Variants in CNTN4 observed in about 807,000 individuals in gnomAD.
CNTN4 encodes contactin 4.
In CNTN4, 77 loss-of-function variants were observed where a neutral mutation model predicts 122.5. That is an observed-to-expected ratio of 0.63 (90% confidence interval 0.52 to 0.76). The LOEUF (loss-of-function observed/expected upper bound fraction) is 0.76, where lower values mean the gene tolerates loss of function less well. Ranked by LOEUF, CNTN4 falls within the 30% of genes least tolerant of loss-of-function variation. The probability of loss-of-function intolerance (pLI) is 0.00; values close to 1 mark genes in which losing one functional copy is unlikely to be tolerated. For synonymous variants in CNTN4, 512 were observed against 447.0 expected (o/e 1.15, Z -1.83); for missense variants, 1,256 against 1,259.1 (o/e 1.00, Z 0.04).
chr3:2,591,930 G>C (rs2149668789), intron 4 of CNTN4, among the ~76,000 whole-genome samples: 1 of 152,218 alleles, frequency 6.6e-6, no homozygotes, highest in South Asian at 2.1e-4. Flanking sequence ...CCAGGCTGGA[G>C]TAAGTAGTGC....
At chr3:2,120,378 T>TATATATATATATATATAA (rs2033658499) in intron 2 of CNTN4, among the ~76,000 whole-genome samples, 29 of 29,840 alleles carry the variant, frequency 9.7e-4, no homozygotes, top group Non-Finnish European at 1.9e-3. Flanking sequence ...TATATAAATA[T>TATATATATATATATATAA]ATATATATAT....
At chr3:2,774,219 C>A (rs1037718035) in intron 6 of CNTN4, among the ~76,000 whole-genome samples, 1 of 152,024 alleles carries the variant, frequency 6.6e-6, no homozygotes, top group Admixed American at 6.6e-5. Context: ...CAAGATTGCA[C>A]CACTGCACCC....
intron 2 of CNTN4, among the ~76,000 whole-genome samples, chr3:2,258,549 T>C (rs1575191770): frequency 6.6e-6 from 1 of 152,174 alleles, no homozygotes; most frequent in Non-Finnish European, 1.5e-5. Flanking sequence ...GGATAATGTT[T>C]TCCTACCTTT....
intron 2 of CNTN4, among the ~76,000 whole-genome samples, chr3:2,183,411 C>G (rs1405137008): frequency 1.3e-5 from 2 of 152,114 alleles, no homozygotes; most frequent in Non-Finnish European, 2.9e-5. Flanking sequence ...ATTCTGCTAA[C>G]TTTGTTTTTC....
intron 4 of CNTN4, among the ~76,000 whole-genome samples, chr3:2,645,660 C>G (rs1423326223): frequency 6.6e-6 from 1 of 152,164 alleles, no homozygotes; most frequent in Non-Finnish European, 1.5e-5. Flanking sequence ...TGGTCCCCAG[C>G]ATTCTTTACA....
intron 2 of CNTN4, among the ~76,000 whole-genome samples, chr3:2,328,664 GA>G (rs11418151): frequency 4.8e-4 from 70 of 147,334 alleles, no homozygotes; most frequent in South Asian, 4.3e-4. Context: ...ATAATGTTTG[GA>G]AAAAAAAAAC....
chr3:2,256,590 A>C (rs2040602136), intron 2 of CNTN4, among the ~76,000 whole-genome samples: 1 of 152,162 alleles, frequency 6.6e-6, no homozygotes, highest in Non-Finnish European at 1.5e-5. Context: ...AATCTTATCC[A>C]CCATGATCAA....
chr3:2,113,608 G>GTA (rs1475391940), intron 2 of CNTN4, among the ~76,000 whole-genome samples: 3 of 152,194 alleles, frequency 2.0e-5, no homozygotes, highest in African/African-American at 4.8e-5. Flanking sequence ...CTGCTTAATT[G>GTA]TATAGTAAGG....
intron 18 of CNTN4, among the ~76,000 whole-genome samples, 147 bp from the exon 19 acceptor site, chr3:3,038,776 GCCGTGGGCCC>G (rs141371260): frequency 0.077 from 11,747 of 152,110 alleles, 479 homozygotes; most frequent in South Asian, 0.2. Context: ...TCGAGCGGTC[GCCGTGGGCCC>G]CTTGACAATG....
chr3:2,863,483 C>T lies in CNTN4; in HGVS notation c.455-3269C>T, dbSNP rs375302761. 1.8e-4 allele frequency among the ~76,000 whole-genome samples: 23 copies of T among 125,542 alleles called. No individual in the cohort carries two copies. The East Asian group carries it at 3.7e-3, about 20-fold the overall frequency. The allele number at this position is 125,542 out of a possible 152,430, so 82.4% of individuals were successfully genotyped here. A position where few individuals can be genotyped will look rare whatever the true frequency, so the allele number is the denominator to read the frequency against. ...TTTTTTTCAGCATAAGAAATGGTTA[C>T]GCTGTTATATTGTTATTACAATTGG... On this transcript the variant is annotated intron_variant, in intron 7 of 24. Transcript: ENST00000418658.
chr3:2,897,988 T>C (rs1190168772), intron 10 of CNTN4, among the ~76,000 whole-genome samples: 1 of 152,174 alleles, frequency 6.6e-6, no homozygotes, highest in African/African-American at 2.4e-5. Context: ...GGGATTTTTG[T>C]TATCTAAGGA....
chr3:2,804,128 A>G (rs1252262020), intron 6 of CNTN4, among the ~76,000 whole-genome samples: 1 of 151,962 alleles, frequency 6.6e-6, no homozygotes, highest in African/African-American at 2.4e-5. Flanking sequence ...GAAAAAACAC[A>G]TGACAAACAA....
chr3:3,047,876 G>A (rs1024974805), intron 23 of CNTN4, among the ~76,000 whole-genome samples: 11 of 151,978 alleles, frequency 7.2e-5, no homozygotes, highest in African/African-American at 2.7e-4. Flanking sequence ...TTGATAGACT[G>A]CTAGCAAGAC....
At chr3:2,292,665 G>A (rs559946249) in intron 2 of CNTN4, among the ~76,000 whole-genome samples, 1 of 152,220 alleles carries the variant, frequency 6.6e-6, no homozygotes, top group African/African-American at 2.4e-5. Context: ...ATAAATAGAA[G>A]CATATAGTAT....
intron 8 of CNTN4, among the ~76,000 whole-genome samples, chr3:2,881,591 TC>T (rs1250983331): frequency 6.7e-6 from 1 of 149,186 alleles, no homozygotes; most frequent in Non-Finnish European, 1.5e-5. Context: ...ATTGCACCTG[TC>T]CCCCATCCAG....
At chr3:2,606,175 A>G (rs2081250604) in intron 4 of CNTN4, among the ~76,000 whole-genome samples, 1 of 152,192 alleles carries the variant, frequency 6.6e-6, no homozygotes, top group Admixed American at 6.5e-5. Flanking sequence ...GGAGGTCAGT[A>G]TGGACCAGAT....
chr3:2,148,377 T>TA lies in CNTN4; in HGVS notation c.-145+47750dup, dbSNP rs796261700. On this transcript the variant is annotated intron_variant, in intron 2 of 24. Coordinates refer to ENST00000418658, the MANE Select transcript of CNTN4 (RefSeq NM_175607.3). ...AGGGGTACCCTGTCTCTACAGAAAA[T>TA]AAAAAAAAAAAATTAGCCTTGGTGG... Among the ~76,000 whole-genome samples the TA allele has an allele frequency of 6.0e-3, 857 of 142,928 alleles. 10 individuals are homozygous for TA. Among genetic ancestry groups the TA allele is most frequent in the African/African-American group, 0.02 (782 of 38,786 alleles). The allele number at this position is 142,928 out of a possible 152,430, so 93.8% of individuals were successfully genotyped here.
chr3:2,364,562 C>A (rs17013260), intron 3 of CNTN4, among the ~76,000 whole-genome samples: 2 of 151,324 alleles, frequency 1.3e-5, no homozygotes, highest in Admixed American at 1.3e-4. Flanking sequence ...GACAATAGAG[C>A]CATTCTAGAT....
Position 2,636,925 on chromosome 3 carries a change from T to G in CNTN4, c.55+65367T>G, listed in dbSNP as rs1347007245. Among the ~76,000 whole-genome samples the G allele has an allele frequency of 9.4e-5, 7 of 74,832 alleles. No homozygotes were observed. The East Asian group carries it at 9.6e-4, about 10-fold the overall frequency. 49.1% of individuals were successfully genotyped at this position (74,832 alleles called of 152,430 possible). ...CTTTTCCTCTTTCTTTCTTTCTTTG[T>G]TTTTTTTTTTTTTGGTTTTTTTTTT... On this transcript the variant is annotated intron_variant, in intron 4 of 24. Coordinates refer to ENST00000418658, the MANE Select transcript of CNTN4 (RefSeq NM_175607.3).
Sources: gnomAD v4.1 joint callset for allele counts (sites outside exome capture counted in the v4.1 genomes callset) on GRCh38, gnomAD v4.1.1 for gene constraint, MANE v1.5 for transcripts, NCBI Gene and HGNC (gene_info 2026-07-23, HGNC 2026-07-21) for gene names.